The following CLMN variants were observed in gnomAD, a reference collection of about 807,000 sequenced individuals.
The protein encoded by CLMN is calmin, also known as calmin (calponin-like, transmembrane).
CLMN carries 57 observed loss-of-function variants against 92.7 expected under a neutral mutation model. The ratio of observed to expected loss-of-function variants is 0.61; its 90% confidence interval spans 0.50 to 0.77. CLMN has a LOEUF of 0.77. Ranked by LOEUF, CLMN falls within the 30% of genes least tolerant of loss-of-function variation. CLMN has a pLI of 0.00. For synonymous variants in CLMN, 466 were observed against 470.6 expected (o/e 0.99, Z 0.13); for missense variants, 1,158 against 1,237.5 (o/e 0.94, Z 0.96).
chr14:95,235,560 C>T (rs1898024487), intron 1 of CLMN, among the ~76,000 whole-genome samples: 2 of 152,272 alleles, frequency 1.3e-5, no homozygotes, highest in South Asian at 2.1e-4. Context: ...GGGAATGACT[C>T]GTGGGCACTG....
intron 1 of CLMN, among the ~76,000 whole-genome samples, chr14:95,297,057 G>A (rs895625201): frequency 2.6e-4 from 40 of 152,212 alleles, no homozygotes; most frequent in African/African-American, 8.9e-4. Flanking sequence ...GGGTGGGAGC[G>A]AAAGGGCAGC....
intron 1 of CLMN, among the ~76,000 whole-genome samples, chr14:95,270,147 A>G (rs138657951): frequency 0.016 from 2,493 of 152,278 alleles, 27 homozygotes; most frequent in Non-Finnish European, 0.024. Flanking sequence ...ACGATGTGCC[A>G]TGTCTGCCTG....
Position 95,203,516 on chromosome 14 carries a change from T to C in CLMN, c.1833A>G (p.Lys611=). 1 of 1,614,192 alleles carries C rather than the reference T, an allele frequency of 6.2e-7. No homozygotes were observed. The highest frequency in any genetic ancestry group is 2.2e-5 in the East Asian group (1 of 44,886). The change falls in exon 9 of 13, where the codon AAA becomes AAG. Residue 611 remains lysine, a synonymous_variant. Coordinates refer to ENST00000298912, the MANE Select transcript of CLMN (RefSeq NM_024734.4). The part of the protein sequence containing the change: ...HAEKLGKRSI[K]SAHKKKDSPE... ...GCGAATCCTTCTTTTTGTGAGCAGA[T>C]TTAATACTCCTTTTACCTAGTTTTT...
chr14:95,239,634 A>G (rs1359207719), intron 1 of CLMN, among the ~76,000 whole-genome samples: 1 of 152,218 alleles, frequency 6.6e-6, no homozygotes, highest in Non-Finnish European at 1.5e-5. Flanking sequence ...CCCTCCAAAA[A>G]GGAAGAGCTT....
At chr14:95,288,014 A>G (rs1900407876) in intron 1 of CLMN, among the ~76,000 whole-genome samples, 1 of 152,226 alleles carries the variant, frequency 6.6e-6, no homozygotes, top group Non-Finnish European at 1.5e-5. Flanking sequence ...GACAGGTTTT[A>G]TGCCCATTTT....
At chr14:95,268,776 A>C (rs1439236168) in intron 1 of CLMN, among the ~76,000 whole-genome samples, 4 of 124,576 alleles carry the variant, frequency 3.2e-5, no homozygotes, top group East Asian at 2.6e-4. Context: ...GTATACTGGG[A>C]CCTCTCTCTC....
chr14:95,220,430 G>C (rs1357577355), intron 4 of CLMN, among the ~76,000 whole-genome samples: 2 of 152,142 alleles, frequency 1.3e-5, no homozygotes, highest in Non-Finnish European at 2.9e-5. Context: ...ACCCGCCTCG[G>C]CCTCCCAAAG....
intron 1 of CLMN, among the ~76,000 whole-genome samples, chr14:95,268,779 T>TCTCTC (rs1234457392): frequency 1.8e-5 from 2 of 113,524 alleles, no homozygotes; most frequent in Admixed American, 8.6e-5. Context: ...TACTGGGACC[T>TCTCTC]CTCTCTCTCT....
rs1204201346 is a variant in CLMN at position 95,257,279 on chromosome 14, G to A, written c.83-27146C>T. On this transcript the variant is annotated intron_variant, in intron 1 of 12. Coordinates refer to ENST00000298912, the MANE Select transcript of CLMN (RefSeq NM_024734.4). ...TCAACCGCCCGCTGCATCTAGACGG[G>A]GACCTGTTTGTTACTGTTTTTATTC... is the stretch of plus-strand genomic sequence containing the variant. Among the ~76,000 whole-genome samples the A allele has an allele frequency of 2.6e-5, 4 of 152,228 alleles. No individual in the cohort carries two copies. The South Asian group carries it at 6.2e-4, about 24-fold the overall frequency.
chr14:95,305,596 G>C (rs1315883688), intron 1 of CLMN, among the ~76,000 whole-genome samples: 1 of 152,232 alleles, frequency 6.6e-6, no homozygotes, highest in Non-Finnish European at 1.5e-5. Context: ...CCAAGTAAAA[G>C]GAGTTCTAGA....
intron 1 of CLMN, among the ~76,000 whole-genome samples, chr14:95,301,184 C>T (rs1275397256): frequency 6.6e-6 from 1 of 152,198 alleles, no homozygotes; most frequent in African/African-American, 2.4e-5. Context: ...GGCCCCAAAG[C>T]TGAAGCTGCA....
chr14:95,204,023 C>A lies in CLMN; in HGVS notation c.1326G>T (p.Leu442=). 24 of 1,614,180 alleles carry A rather than the reference C, an allele frequency of 1.5e-5. No homozygotes were observed. Among genetic ancestry groups the A allele is most frequent in the Non-Finnish European group, 2.0e-5 (24 of 1,180,044 alleles). Reference sequence around the variant, plus strand: ...TTGGGCTCCCTTCAAAGCAAAGGGACAGGTTCTTACTGCAGAAAGGATCCT... The same window carrying A: ...TTGGGCTCCCTTCAAAGCAAAGGGAAAGGTTCTTACTGCAGAAAGGATCCT... ...TYKDPFCSKN[L]SLCFEGSPRV... The change falls in exon 9 of 13, where the codon CTG becomes CTT. Residue 442 remains leucine, a synonymous_variant. Coordinates refer to ENST00000298912, the MANE Select transcript of CLMN (RefSeq NM_024734.4).
intron 1 of CLMN, among the ~76,000 whole-genome samples, chr14:95,292,752 C>T (rs1209840294): frequency 6.6e-6 from 1 of 152,030 alleles, no homozygotes; most frequent in African/African-American, 2.4e-5. Flanking sequence ...TTGCTGGGAG[C>T]TGGAGAGAAA....
intron 1 of CLMN, among the ~76,000 whole-genome samples, chr14:95,277,107 G>A (rs751788084): frequency 5.9e-5 from 9 of 151,532 alleles, no homozygotes; most frequent in Non-Finnish European, 1.0e-4. Flanking sequence ...TGTGCAAACT[G>A]GTTGAATGAA....
chr14:95,277,453 G>A (rs1374920104), intron 1 of CLMN, among the ~76,000 whole-genome samples: 1 of 152,160 alleles, frequency 6.6e-6, no homozygotes, highest in African/African-American at 2.4e-5. Flanking sequence ...TCCGCCATTT[G>A]GAAGGTGGGA....
intron 1 of CLMN, among the ~76,000 whole-genome samples, chr14:95,316,210 G>T (rs147622271): frequency 6.6e-6 from 1 of 152,314 alleles, no homozygotes; most frequent in African/African-American, 2.4e-5. Context: ...TTCCCACATG[G>T]CTCCAAGGAA....
chr14:95,206,196 C>T (rs373007755), intron 8 of CLMN, among the ~76,000 whole-genome samples: 1 of 152,084 alleles, frequency 6.6e-6, no homozygotes, highest in East Asian at 1.9e-4. Flanking sequence ...AAAAATAAAG[C>T]AATCAAGTCA....
chr14:95,204,457 T>C lies in CLMN; in HGVS notation c.892A>G (p.Ile298Val). 6.6e-7 allele frequency: 1 copy of C among 1,522,086 alleles called. No homozygotes were observed. The highest frequency in any genetic ancestry group is 8.8e-7 in the Non-Finnish European group (1 of 1,140,528). The allele number at this position is 1,522,086 out of a possible 1,614,324, so 94.3% of individuals were successfully genotyped here. Residue 298 changes from isoleucine (I) to valine (V), a missense_variant, in exon 9 of 13, where the codon ATT becomes GTT. By Grantham distance (29) the Ile-to-Val change is conservative (BLOSUM62 3). Coordinates refer to ENST00000298912, the MANE Select transcript of CLMN (RefSeq NM_024734.4). ...ERFPELEAED[I>V]FDSDKEVPIE... is the part of the protein sequence containing the mutation. ...GGAACTTCTTTATCTGAATCGAAAA[T>C]ATCTTCCTGCAAAAAAAAACAAAAA...
At chr14:95,201,428 C>T (rs1219730871) in intron 9 of CLMN, among the ~76,000 whole-genome samples, 1 of 151,860 alleles carries the variant, frequency 6.6e-6, no homozygotes, top group African/African-American at 2.4e-5. Flanking sequence ...CTATGAGGTT[C>T]CCCTGGCTGC....
Sources: gnomAD v4.1 joint callset for allele counts (sites outside exome capture counted in the v4.1 genomes callset) on GRCh38, gnomAD v4.1.1 for gene constraint, MANE v1.5 for transcripts, NCBI Gene and HGNC (gene_info 2026-07-23, HGNC 2026-07-21) for gene names.